FAM227B: variants seen among roughly 807,000 people sequenced by gnomAD.
FAM227B encodes the protein protein FAM227B.
A neutral mutation model predicts 73.8 loss-of-function variants in FAM227B; 88 were observed. That is an observed-to-expected ratio of 1.19 (90% CI 1.00 to 1.42). FAM227B has a LOEUF of 1.42. Ranked by LOEUF, FAM227B falls within the 40% of genes most tolerant of loss-of-function variation. The probability of loss-of-function intolerance (pLI) is 0.00; values close to 1 mark genes in which losing one functional copy is unlikely to be tolerated. For missense variants in FAM227B, 632 were observed against 590.9 expected (o/e 1.07, Z -0.72); for synonymous variants, 210 against 190.5 (o/e 1.10, Z -0.84).
At chr15:49,361,799 T>A (rs1233035736) in intron 13 of FAM227B, among the ~76,000 whole-genome samples, 1 of 152,088 alleles carries the variant, frequency 6.6e-6, no homozygotes, top group Non-Finnish European at 1.5e-5. Flanking sequence ...AATTCTGCTT[T>A]CAGTTCTTTG....
At chr15:49,466,090 T>C (rs1406251934) in intron 11 of FAM227B, among the ~76,000 whole-genome samples, 2 of 152,102 alleles carry the variant, frequency 1.3e-5, no homozygotes, top group East Asian at 1.9e-4. Context: ...TAAAGTAAAA[T>C]AGATGACAAC....
intron 11 of FAM227B, among the ~76,000 whole-genome samples, chr15:49,459,228 G>A (rs960834483): frequency 6.6e-6 from 1 of 152,178 alleles, no homozygotes; most frequent in East Asian, 1.9e-4. Context: ...GCCAGAGGAG[G>A]AGAGATTTGT....
chr15:49,443,227 T>C (rs2051843931), intron 11 of FAM227B, among the ~76,000 whole-genome samples: 2 of 151,800 alleles, frequency 1.3e-5, no homozygotes, highest in African/African-American at 4.8e-5. Flanking sequence ...ATGAAATAAA[T>C]TACATTAAAA....
At chr15:49,615,809 G>A (rs902337635) in intron 1 of FAM227B, among the ~76,000 whole-genome samples, 15 of 152,100 alleles carry the variant, frequency 9.9e-5, no homozygotes, top group Admixed American at 6.6e-4. Flanking sequence ...CATGACAAAC[G>A]ACATGCATAT....
At chr15:49,391,283 A>T (rs867625500) in intron 11 of FAM227B, among the ~76,000 whole-genome samples, 1 of 152,066 alleles carries the variant, frequency 6.6e-6, no homozygotes, top group Middle Eastern at 3.4e-3. Flanking sequence ...CAGAACAGAG[A>T]CCCCTCTTAG....
Position 49,335,511 on chromosome 15 carries a change from A to G in FAM227B, c.1272-15T>C. The G allele has an allele frequency of 6.3e-7, 1 of 1,595,930 alleles. No individual in the cohort carries two copies. Among genetic ancestry groups the G allele is most frequent in the African/African-American group, 1.3e-5 (1 of 74,718 alleles). ...GAGCAGGTAGTGTGCTAGGCTTATT[A>G]TTAAGGAATGATTTTCAATTAGGAA... On this transcript the variant is annotated splice_polypyrimidine_tract_variant and intron_variant, in intron 13 of 15. Transcript: ENST00000299338.
At chr15:49,569,786 T>G (rs898796207) in intron 8 of FAM227B, among the ~76,000 whole-genome samples, 1 of 151,986 alleles carries the variant, frequency 6.6e-6, no homozygotes, top group Non-Finnish European at 1.5e-5. Context: ...CCATTGCCAT[T>G]CAGCCCAGCC....
intron 10 of FAM227B, among the ~76,000 whole-genome samples, chr15:49,536,094 AAAAG>A (rs1187586626): frequency 1.3e-5 from 2 of 151,092 alleles, no homozygotes; most frequent in Non-Finnish European, 3.0e-5. Flanking sequence ...AAAAAAAGAA[AAAAG>A]AAAGAAAAAA....
intron 11 of FAM227B, among the ~76,000 whole-genome samples, chr15:49,423,639 G>C (rs1434051090): frequency 6.6e-6 from 1 of 152,000 alleles, no homozygotes; most frequent in African/African-American, 2.4e-5. Flanking sequence ...AAAAAACCTG[G>C]GCAGTTCAGG....
intron 10 of FAM227B, among the ~76,000 whole-genome samples, chr15:49,525,405 T>A (rs1398879788): frequency 1.3e-5 from 2 of 152,112 alleles, no homozygotes; most frequent in Non-Finnish European, 2.9e-5. Flanking sequence ...TATGGAACTG[T>A]AAGTCCATTA....
chr15:49,424,602 T>A, intron 11 of FAM227B: 1 of 1,537,758 alleles, frequency 6.5e-7, no homozygotes, highest in Non-Finnish European at 8.8e-7. Context: ...TTTTAAGTAC[T>A]GCTCATGAAC....
At chr15:49,601,816 T>A (rs1426808380) in intron 3 of FAM227B, among the ~76,000 whole-genome samples, 3 of 152,230 alleles carry the variant, frequency 2.0e-5, no homozygotes, top group Non-Finnish European at 4.4e-5. Flanking sequence ...CAGTTTCTGG[T>A]AACCCTCCTT....
intron 3 of FAM227B, among the ~76,000 whole-genome samples, chr15:49,597,812 T>C (rs949968188): frequency 2.0e-5 from 3 of 151,936 alleles, no homozygotes; most frequent in Non-Finnish European, 2.9e-5. Context: ...AACACAGAGA[T>C]ACAAAAGTTT....
chr15:49,512,896 C>G (rs2152123460), intron 10 of FAM227B, among the ~76,000 whole-genome samples: 1 of 152,278 alleles, frequency 6.6e-6, no homozygotes, highest in Admixed American at 6.5e-5. Context: ...ATGATGGCTT[C>G]TAGCTTCATC....
At chr15:49,374,353 A>T (rs1420980967) in intron 11 of FAM227B, among the ~76,000 whole-genome samples, 1 of 152,218 alleles carries the variant, frequency 6.6e-6, no homozygotes, top group Non-Finnish European at 1.5e-5. Context: ...GCACCAAAAT[A>T]GCACAGTAAT....
intron 11 of FAM227B, among the ~76,000 whole-genome samples, chr15:49,413,491 C>T (rs1389006467): frequency 1.3e-5 from 2 of 152,064 alleles, no homozygotes; most frequent in East Asian, 3.8e-4. Context: ...AGACTAATAA[C>T]AGTCTCCAAC....
intron 11 of FAM227B, among the ~76,000 whole-genome samples, chr15:49,459,104 TTC>T (rs1246200764): frequency 1.3e-5 from 2 of 152,192 alleles, no homozygotes; most frequent in Admixed American, 1.3e-4. Context: ...ACTGAATATC[TTC>T]TGAGTTTCCC....
chr15:49,495,298 T>A (rs1179218300), intron 11 of FAM227B, among the ~76,000 whole-genome samples: 1 of 152,162 alleles, frequency 6.6e-6, no homozygotes, highest in Non-Finnish European at 1.5e-5. Flanking sequence ...AGAAAACAGG[T>A]TTGAAATATA....
intron 1 of FAM227B, among the ~76,000 whole-genome samples, chr15:49,616,170 T>C (rs2078276008): frequency 6.6e-6 from 1 of 152,166 alleles, no homozygotes; most frequent in Non-Finnish European, 1.5e-5. Flanking sequence ...CTAACACTTA[T>C]AACAAGATGT....
Sources: allele counts gnomAD v4.1 joint callset (sites outside exome capture counted in the v4.1 genomes callset), GRCh38; gene constraint gnomAD v4.1.1; transcripts MANE v1.5; gene names NCBI Gene and HGNC (gene_info 2026-07-23, HGNC 2026-07-21).